Variants in CORIN observed in about 807,000 individuals in gnomAD.
CORIN encodes corin, serine peptidase, also known as atrial natriuretic peptide-converting enzyme.
Under a neutral mutation model 125.3 loss-of-function variants are expected in CORIN, and 117 were observed. The ratio of observed to expected loss-of-function variants is 0.93; its 90% CI spans 0.80 to 1.09. CORIN has a LOEUF of 1.09. Among genes scored for constraint, CORIN ranks in the 50% least tolerant of loss-of-function variants. CORIN has a pLI of 0.00. For missense variants in CORIN, 1,253 were observed against 1,306.7 expected, an observed-to-expected ratio of 0.96 and a Z score of 0.63; for synonymous variants, 450 against 466.4, an observed-to-expected ratio of 0.96 and a Z score of 0.45.
chr4:47,677,057 A>ACCAGTC (rs1387199849), intron 9 of CORIN, among the ~76,000 whole-genome samples: 2 of 152,234 alleles, frequency 1.3e-5, no homozygotes, highest in Non-Finnish European at 2.9e-5. Context: ...TCTATAGGTG[A>ACCAGTC]CCAGTCTCAT....
intron 3 of CORIN, among the ~76,000 whole-genome samples, chr4:47,780,630 G>A (rs1367490059): frequency 1.3e-5 from 2 of 152,116 alleles, no homozygotes. Context: ...CATCTGGAAA[G>A]ATGGTGGGAT....
intron 16 of CORIN, among the ~76,000 whole-genome samples, chr4:47,637,167 C>T (rs924668895): frequency 6.6e-6 from 1 of 152,102 alleles, no homozygotes; most frequent in Non-Finnish European, 1.5e-5. Context: ...TTGAACTTGA[C>T]AGATGATTTA....
In CORIN at chr4:47,594,720, T is replaced by C. The variant is rs1721187213; in HGVS notation, c.*1001A>G. On this transcript the variant is annotated 3_prime_UTR_variant, in exon 22 of 22. Transcript: ENST00000273857. ...AACGAGGGATGCAAATTAATTTTCT[T>C]TTTAAAAAATTGCATCTCTCATCTA... 6.6e-6 allele frequency: 1 copy of C among 152,194 alleles called. No homozygotes were observed. The highest frequency in any genetic ancestry group is 1.5e-5 in the Non-Finnish European group (1 of 68,018). 9.4% of individuals were successfully genotyped at this position (152,194 alleles called of 1,614,324 possible).
rs1560476992 is a variant in CORIN at position 47,623,631 on chromosome 4, A to AT, written c.2479dup (p.Ile827AsnfsTer66). 1.2e-6 allele frequency: 2 copies of AT among 1,614,200 alleles called. No individual in the cohort carries two copies. Among genetic ancestry groups the AT allele is most frequent in the Non-Finnish European group, 1.7e-6 (2 of 1,180,016 alleles). ...CTTGGCAATGAGGACACAGCCACAGATATGTCCACTGGGTTCACTCTGCAG... is the reference window on the plus strand; with the variant it reads ...CTTGGCAATGAGGACACAGCCACAGATTATGTCCACTGGGTTCACTCTGCAG... On this transcript the variant is annotated frameshift_variant, in exon 19 of 22. Transcript: ENST00000273857. LOFTEE classifies it high-confidence loss of function.
intron 5 of CORIN, among the ~76,000 whole-genome samples, chr4:47,736,571 C>T (rs1728145132): frequency 6.6e-6 from 1 of 152,154 alleles, no homozygotes; most frequent in South Asian, 2.1e-4. Context: ...GTTTGTTGTA[C>T]AGATCACTCA....
chr4:47,656,667 G>A (rs1723999614), intron 12 of CORIN, among the ~76,000 whole-genome samples: 1 of 152,106 alleles, frequency 6.6e-6, no homozygotes, highest in African/African-American at 2.4e-5. Context: ...CAGACCCACA[G>A]TTAGTATCAA....
chr4:47,687,087 G>A (rs571457482), intron 6 of CORIN, among the ~76,000 whole-genome samples: 1 of 152,316 alleles, frequency 6.6e-6, no homozygotes, highest in African/African-American at 2.4e-5. Flanking sequence ...TCTCCCAGGT[G>A]TGGATTCAAC....
At chr4:47,630,714 C>T (rs1722772205) in intron 16 of CORIN, among the ~76,000 whole-genome samples, 1 of 152,222 alleles carries the variant, frequency 6.6e-6, no homozygotes, top group African/African-American at 2.4e-5. Flanking sequence ...ACAAACACAT[C>T]TGTTAGGTTC....
At chr4:47,674,293 G>T in intron 10 of CORIN, 100 bp downstream of exon 10, 1 of 834,234 alleles carries the variant, frequency 1.2e-6, no homozygotes, top group Non-Finnish European at 2.0e-6. Flanking sequence ...AGGCTTTTTT[G>T]GAGGGATTCC....
chr4:47,766,592 G>T (rs553434512), intron 3 of CORIN, among the ~76,000 whole-genome samples: 80 of 152,168 alleles, frequency 5.3e-4, no homozygotes, highest in African/African-American at 1.8e-3. Flanking sequence ...GAATACTGGT[G>T]TTCAACCAGA....
chr4:47,734,274 C>T (rs1207149315), intron 5 of CORIN, among the ~76,000 whole-genome samples: 1 of 152,166 alleles, frequency 6.6e-6, no homozygotes. Context: ...ATTACTATTT[C>T]CTTGGGCAAA....
At chr4:47,834,039 A>T (rs887839262) in intron 1 of CORIN, among the ~76,000 whole-genome samples, 2 of 152,206 alleles carry the variant, frequency 1.3e-5, no homozygotes, top group African/African-American at 2.4e-5. Flanking sequence ...CCAGCATATG[A>T]TACCAGCATA....
At chr4:47,618,581 A>G (rs1370461137) in intron 19 of CORIN, among the ~76,000 whole-genome samples, 1 of 152,044 alleles carries the variant, frequency 6.6e-6, no homozygotes, top group Non-Finnish European at 1.5e-5. Context: ...GCACTTTGGG[A>G]GGCCGAGGAG....
At chr4:47,742,356 A>C (rs929107820) in intron 5 of CORIN, among the ~76,000 whole-genome samples, 5 of 152,050 alleles carry the variant, frequency 3.3e-5, no homozygotes, top group Non-Finnish European at 5.9e-5. Flanking sequence ...TCATTATTTT[A>C]GATGACATGA....
At chr4:47,623,180 G>A (rs2109554446) in intron 19 of CORIN, among the ~76,000 whole-genome samples, 1 of 148,652 alleles carries the variant, frequency 6.7e-6, no homozygotes, top group East Asian at 2.0e-4. Context: ...CTTTAACTCT[G>A]CTTCCCAAAC....
intron 4 of CORIN, among the ~76,000 whole-genome samples, chr4:47,753,293 C>T (rs987667439): frequency 9.2e-5 from 14 of 152,166 alleles, no homozygotes; most frequent in African/African-American, 3.4e-4. Flanking sequence ...GCAAAGATCA[C>T]AAGGTAAAGG....
At chr4:47,646,614 AGACTACATG>A (rs112335449) in intron 13 of CORIN, among the ~76,000 whole-genome samples, 6 of 152,354 alleles carry the variant, frequency 3.9e-5, no homozygotes, top group African/African-American at 1.4e-4. Flanking sequence ...ATGAAGGAAG[AGACTACATG>A]GCAAAAAAAA....
At chr4:47,734,894 A>G (rs1300898968) in intron 5 of CORIN, among the ~76,000 whole-genome samples, 4 of 152,322 alleles carry the variant, frequency 2.6e-5, no homozygotes, top group African/African-American at 9.6e-5. Flanking sequence ...AATGTTCCCA[A>G]ATGGGGGCTG....
At chr4:47,699,879 C>G (rs1344070999) in intron 5 of CORIN, among the ~76,000 whole-genome samples, 2 of 152,178 alleles carry the variant, frequency 1.3e-5, no homozygotes, top group Admixed American at 1.3e-4. Flanking sequence ...TCCCCACTGG[C>G]CTGTGATGAT....
Sources: allele counts gnomAD v4.1 joint callset (sites outside exome capture counted in the v4.1 genomes callset), GRCh38; gene constraint gnomAD v4.1.1; transcripts MANE v1.5; gene names NCBI Gene and HGNC (gene_info 2026-07-23, HGNC 2026-07-21).